RBMS3: variants seen among roughly 807,000 people sequenced by gnomAD.
RBMS3 encodes the protein RNA binding motif single stranded interacting protein 3.
Under a neutral mutation model 66.8 loss-of-function variants are expected in RBMS3, and 27 were observed. The ratio of observed to expected loss-of-function variants is 0.40; its 90% CI spans 0.30 to 0.56. RBMS3 has a LOEUF of 0.56. Among genes scored for constraint, RBMS3 ranks in the 20% least tolerant of loss-of-function variants. The pLI is 0.40. For missense variants in RBMS3, 513 were observed against 549.5 expected, an observed-to-expected ratio of 0.93 and a Z score of 0.66; for synonymous variants, 188 against 183.0, an observed-to-expected ratio of 1.03 and a Z score of -0.22.
chr3:29,688,251 T>C (rs2051822022), intron 4 of RBMS3, among the ~76,000 whole-genome samples: 1 of 152,154 alleles, frequency 6.6e-6, no homozygotes, highest in Non-Finnish European at 1.5e-5. Context: ...GTGCATTGAT[T>C]TCCTATCCCC....
At chr3:29,829,832 C>T (rs966106571) in intron 6 of RBMS3, among the ~76,000 whole-genome samples, 1 of 125,690 alleles carries the variant, frequency 8.0e-6, no homozygotes, top group Non-Finnish European at 1.8e-5. Flanking sequence ...AGGAGAATGC[C>T]TCTGCTAAGA....
intron 7 of RBMS3, among the ~76,000 whole-genome samples, chr3:29,879,697 T>C (rs1187433337): frequency 6.6e-6 from 1 of 152,162 alleles, no homozygotes; most frequent in Non-Finnish European, 1.5e-5. Flanking sequence ...AATGTTTTAT[T>C]TGTCCAGGAA....
chr3:29,433,909 G>A (rs958435195), intron 1 of RBMS3, among the ~76,000 whole-genome samples: 4 of 152,202 alleles, frequency 2.6e-5, no homozygotes, highest in African/African-American at 9.7e-5. Context: ...GCACCAGGGA[G>A]CATTTGGCAA....
intron 1 of RBMS3, chr3:29,390,720 G>A (rs2039250979): frequency 6.6e-6 from 1 of 152,428 alleles, no homozygotes; most frequent in Non-Finnish European, 1.5e-5. Flanking sequence ...CACCTGATTA[G>A]CCATTTGAGT....
chr3:29,636,880 C>T (rs555203709), intron 4 of RBMS3, among the ~76,000 whole-genome samples: 16 of 151,802 alleles, frequency 1.1e-4, no homozygotes, highest in Non-Finnish European at 2.2e-4. Context: ...AAAGATTTAT[C>T]AGTATGGAAA....
intron 10 of RBMS3, among the ~76,000 whole-genome samples, chr3:29,901,687 T>C (rs1440406063): frequency 6.6e-6 from 1 of 151,822 alleles, no homozygotes; most frequent in African/African-American, 2.4e-5. Flanking sequence ...TTCCTTGCTG[T>C]GGCTACTACT....
chr3:29,488,947 C>T (rs1366485156), intron 3 of RBMS3, among the ~76,000 whole-genome samples: 4 of 152,188 alleles, frequency 2.6e-5, no homozygotes, highest in Non-Finnish European at 4.4e-5. Context: ...TAAGCTTCAG[C>T]TATAAGCATC....
Position 29,762,935 on chromosome 3 carries a change from G to A in RBMS3, c.583G>A (p.Val195Met), listed in dbSNP as rs368732266. The A allele has an allele frequency of 9.9e-6, 16 of 1,609,946 alleles. No individual in the cohort carries two copies. The highest frequency in any genetic ancestry group is 1.7e-5 in the Admixed American group (1 of 59,466). Residue 195 changes from valine (V) to methionine (M), a missense_variant, in exon 6 of 15, where the codon GTG (valine) becomes ATG (methionine). Transcript: ENST00000383767. ...ARMESTEKCE[V>M]VIQHFNGKYL... The stretch of plus-strand genomic sequence containing the variant: ...AATGGAGTCTACTGAAAAATGTGAA[G>A]TGGTAATTCAACATTTTAATGGAAA...
chr3:29,841,518 A>G (rs2058663983), intron 6 of RBMS3, among the ~76,000 whole-genome samples: 1 of 151,998 alleles, frequency 6.6e-6, no homozygotes, highest in Admixed American at 6.5e-5. Flanking sequence ...TAAGCTTCTG[A>G]TTACATGACC....
intron 1 of RBMS3, among the ~76,000 whole-genome samples, chr3:29,346,690 G>T (rs867746553): frequency 6.6e-6 from 1 of 152,146 alleles, no homozygotes; most frequent in East Asian, 1.9e-4. Flanking sequence ...ACCGCGCCTG[G>T]CCAGCAATTC....
At chr3:29,885,585 G>A (rs746850926) in intron 8 of RBMS3, among the ~76,000 whole-genome samples, 207 of 151,880 alleles carry the variant, frequency 1.4e-3, no homozygotes, top group Middle Eastern at 6.9e-3. Flanking sequence ...AGTGGCACAT[G>A]GTTTCAAATG....
rs59335121 is a variant in RBMS3 at position 29,928,180 on chromosome 3, T to TTATGTATATATATATA, written c.940-7903_940-7902insGTATATATATATATAT. 9.7e-5 allele frequency among the ~76,000 whole-genome samples: 10 copies of TTATGTATATATATATA among 102,572 alleles called. 1 individual carries two copies. Among genetic ancestry groups the TTATGTATATATATATA allele is most frequent in the East Asian group, 6.5e-4 (2 of 3,068 alleles). The allele number at this position is 102,572 out of a possible 152,430, so 67.3% of individuals were successfully genotyped here. ...AAACTGGTCTGCTCCTCTTCAAATTTTATATATATATATATATATATATAT... is the reference window on the plus strand; with the variant it reads ...AAACTGGTCTGCTCCTCTTCAAATTTTATGTATATATATATATATATATATATATATATATATATAT... On this transcript the variant is annotated intron_variant, in intron 10 of 14. Transcript: ENST00000383767.
intron 7 of RBMS3, among the ~76,000 whole-genome samples, chr3:29,880,565 G>A (rs2059712692): frequency 6.6e-6 from 1 of 152,062 alleles, no homozygotes; most frequent in Admixed American, 6.6e-5. Context: ...TGAATGCAAA[G>A]TTTGCATTAA....
chr3:29,429,643 G>A (rs901937677), intron 1 of RBMS3, among the ~76,000 whole-genome samples: 2 of 152,146 alleles, frequency 1.3e-5, no homozygotes, highest in African/African-American at 4.8e-5. Context: ...TTATAGCACA[G>A]TGTTACAGTG....
intron 6 of RBMS3, among the ~76,000 whole-genome samples, chr3:29,865,072 C>CGAAGGAAG (rs748564137): frequency 1.3e-5 from 1 of 79,048 alleles, no homozygotes; most frequent in African/African-American, 6.0e-5. Flanking sequence ...AAGAGAGAGA[C>CGAAGGAAG]GAAGGAAGGA....
chr3:29,861,818 A>G (rs1257540783), intron 6 of RBMS3, among the ~76,000 whole-genome samples: 4 of 152,050 alleles, frequency 2.6e-5, no homozygotes, highest in African/African-American at 9.7e-5. Context: ...AACAGTAATT[A>G]CTCCTTTATA....
At chr3:29,384,502 G>A (rs2038920273) in intron 1 of RBMS3, among the ~76,000 whole-genome samples, 1 of 150,706 alleles carries the variant, frequency 6.6e-6, no homozygotes, top group African/African-American at 2.5e-5. Flanking sequence ...AATAACATCT[G>A]ACATGATTTG....
intron 2 of RBMS3, among the ~76,000 whole-genome samples, chr3:29,445,072 C>T (rs2041774633): frequency 6.6e-6 from 1 of 151,732 alleles, no homozygotes; most frequent in Non-Finnish European, 1.5e-5. Context: ...GTACCTAGTA[C>T]ACTTCCAGAT....
At chr3:29,918,013 A>G (rs1216962203) in intron 10 of RBMS3, among the ~76,000 whole-genome samples, 2 of 152,156 alleles carry the variant, frequency 1.3e-5, no homozygotes, top group Non-Finnish European at 2.9e-5. Context: ...ATATAACAGG[A>G]TAATGTATTT....
Sources: gnomAD v4.1 joint callset for allele counts (sites outside exome capture counted in the v4.1 genomes callset) on GRCh38, gnomAD v4.1.1 for gene constraint, MANE v1.5 for transcripts, NCBI Gene and HGNC (gene_info 2026-07-23, HGNC 2026-07-21) for gene names.